GSDMC: variants seen among roughly 807,000 people sequenced by gnomAD.
GSDMC encodes gasdermin C.
Under a neutral mutation model 58.0 loss-of-function variants are expected in GSDMC, and 59 were observed. That is an observed-to-expected ratio of 1.02 (90% CI 0.82 to 1.26). The LOEUF (loss-of-function observed/expected upper bound fraction) is 1.26. Among genes scored for constraint, GSDMC ranks in the 50% most tolerant of loss-of-function variants. The pLI is 0.00. For missense variants in GSDMC, 659 were observed against 598.5 expected (o/e 1.10, Z -1.06); for synonymous variants, 241 against 220.2 (o/e 1.09, Z -0.83).
chr8:129,752,598 C>A (rs2033254376), intron 7 of GSDMC, 100 bp downstream of exon 7: 2 of 1,505,638 alleles, frequency 1.3e-6, no homozygotes, highest in Non-Finnish European at 1.8e-6. Context: ...TAGAAGCCTA[C>A]ATGGTTCATA....
the GSDMC span, among the ~76,000 whole-genome samples, chr8:129,733,410 AG>A: frequency 6.6e-6 from 1 of 152,218 alleles, no homozygotes; most frequent in Non-Finnish European, 1.5e-5. Context: ...ACTTCCCAGT[AG>A]GGGCCAACTA....
the GSDMC span, among the ~76,000 whole-genome samples, chr8:129,722,731 A>G: frequency 6.6e-6 from 1 of 152,202 alleles, no homozygotes; most frequent in African/African-American, 2.4e-5. Flanking sequence ...ATGCCAAACA[A>G]TGTCTTTCTC....
rs769613733 is a variant in GSDMC, at chr8:129,750,348, C to T, written c.1083+83G>A. The T allele has an allele frequency of 2.2e-5, 30 of 1,353,336 alleles. No homozygotes were observed. In the South Asian group the frequency reaches 3.2e-4, roughly 14 times the overall value. The allele number at this position is 1,353,336 out of a possible 1,614,324, so 83.8% of individuals were successfully genotyped here. ...CCTGGCATCTTGCTTATTCTTCCTC[C>T]TCCATGTAACTTGGGAGTCATATCT... On this transcript the variant is annotated intron_variant, in intron 11 of 13. Transcript: ENST00000276708.
intron 11 of GSDMC, 120 bp from the exon 12 acceptor site, chr8:129,750,239 G>T: frequency 9.6e-7 from 1 of 1,038,248 alleles, no homozygotes; most frequent in Non-Finnish European, 1.4e-6. Context: ...CTCCCCCAGG[G>T]GATTCCAAGC....
At chr8:129,772,448 A>C (rs1032501411) in intron 3 of GSDMC, among the ~76,000 whole-genome samples, 4 of 152,116 alleles carry the variant, frequency 2.6e-5, no homozygotes, top group African/African-American at 9.7e-5. Context: ...AGACATTACA[A>C]ATGATGCCAC....
chr8:129,774,694 T>C (rs1460496787), intron 3 of GSDMC, among the ~76,000 whole-genome samples: 1 of 152,028 alleles, frequency 6.6e-6, no homozygotes, highest in African/African-American at 2.4e-5. Context: ...CTAAAATATA[T>C]AAGGAACTCA....
downstream of GSDMC, among the ~76,000 whole-genome samples, chr8:129,743,988 T>A (rs2032914966): frequency 6.6e-6 from 1 of 152,220 alleles, no homozygotes; most frequent in South Asian, 2.1e-4. Context: ...ATGCTATACA[T>A]GCACAAGTTA....
chr8:129,710,402 G>A, the GSDMC span, among the ~76,000 whole-genome samples: 6 of 152,240 alleles, frequency 3.9e-5, no homozygotes, highest in Non-Finnish European at 5.9e-5. Context: ...GCATTTGTCA[G>A]TGATGCTTTC....
In GSDMC at chr8:129,776,093, T is replaced by C. The variant is rs746489378; in HGVS notation, c.404+9A>G. Reference sequence around the variant, plus strand: ...GATGATCCATCCCCTTCCTCTCCCATGGCCTCACCTTTTTTGAAAGTCTTC... The same window carrying C: ...GATGATCCATCCCCTTCCTCTCCCACGGCCTCACCTTTTTTGAAAGTCTTC... On this transcript the variant is annotated intron_variant, in intron 3 of 13. Coordinates refer to ENST00000276708, the MANE Select transcript of GSDMC (RefSeq NM_031415.3). The C allele has an allele frequency of 2.5e-6, 4 of 1,608,904 alleles. No homozygotes were observed. Among genetic ancestry groups the C allele is most frequent in the Non-Finnish European group, 2.6e-6 (3 of 1,176,318 alleles).
chr8:129,721,850 G>A, the GSDMC span, among the ~76,000 whole-genome samples: 2 of 152,168 alleles, frequency 1.3e-5, no homozygotes, highest in Non-Finnish European at 2.9e-5. Flanking sequence ...AATGATCGTT[G>A]TGGTTTCAGA....
chr8:129,749,582 C>T, intron 12 of GSDMC, 57 bp from the exon 13 acceptor site: 1 of 1,327,336 alleles, frequency 7.5e-7, no homozygotes, highest in Non-Finnish European at 1.1e-6. Flanking sequence ...ATTTTTCCTC[C>T]CACCATAAAG....
At chr8:129,757,138 C>A (rs1020928455) in intron 6 of GSDMC, among the ~76,000 whole-genome samples, 4 of 149,424 alleles carry the variant, frequency 2.7e-5, no homozygotes, top group African/African-American at 4.9e-5. Flanking sequence ...AAAAGATATA[C>A]AAAATTGACA....
At chr8:129,719,644 A>C in the GSDMC span, among the ~76,000 whole-genome samples, 1 of 152,196 alleles carries the variant, frequency 6.6e-6, no homozygotes, top group Non-Finnish European at 1.5e-5. Context: ...AACTCAATAC[A>C]TTTAAAAACG....
At chr8:129,750,142 TTAA>T (rs374300600) in intron 11 of GSDMC, 23 bp from the exon 12 acceptor site, 2 of 1,497,838 alleles carry the variant, frequency 1.3e-6, no homozygotes, top group Non-Finnish European at 1.8e-6. Flanking sequence ...GGTATTATTG[TTAA>T]TAATAATACT....
the GSDMC span, among the ~76,000 whole-genome samples, chr8:129,710,121 A>AT: frequency 6.6e-6 from 1 of 152,030 alleles, no homozygotes. Flanking sequence ...TCATGCACGT[A>AT]TTTTTTTTCT....
chr8:129,765,924 A>G (rs948528178), intron 3 of GSDMC, 131 bp from the exon 4 acceptor site: 3 of 642,124 alleles, frequency 4.7e-6, no homozygotes, highest in East Asian at 2.7e-5. Context: ...TAAGTCACCA[A>G]TGGGTGGTAG....
rs766175882 is a variant in GSDMC, at chr8:129,751,533, A to T, written c.943+9T>A. 8.1e-6 allele frequency: 13 copies of T among 1,609,702 alleles called. No individual in the cohort carries two copies. The South Asian group carries it at 1.1e-4, about 14-fold the overall frequency. ...AGAAGCCCCAGGTTCCCCCTTAATA[A>T]ATACTTACTTTGCCAGAAGGGTTCC... On this transcript the variant is annotated intron_variant, in intron 10 of 13. Coordinates refer to ENST00000276708, the MANE Select transcript of GSDMC (RefSeq NM_031415.3).
the GSDMC span, among the ~76,000 whole-genome samples, chr8:129,738,685 T>C: frequency 6.6e-6 from 1 of 152,056 alleles, no homozygotes; most frequent in Admixed American, 6.6e-5. Flanking sequence ...GGGATAGCAT[T>C]AGGAGAAGTA....
the GSDMC span, chr8:129,730,055 A>G: frequency 8.7e-7 from 1 of 1,150,158 alleles, no homozygotes; most frequent in African/African-American, 1.5e-5. Context: ...TTCCTTGAAA[A>G]TAAGTAAAGA....
Sources: gnomAD v4.1 joint callset for allele counts (sites outside exome capture counted in the v4.1 genomes callset) on GRCh38, gnomAD v4.1.1 for gene constraint, MANE v1.5 for transcripts, NCBI Gene and HGNC (gene_info 2026-07-23, HGNC 2026-07-21) for gene names.